KAZN: variants seen among roughly 807,000 people sequenced by gnomAD.
The protein encoded by KAZN is kazrin, periplakin interacting protein, also known as kazrin.
KAZN carries 40 observed loss-of-function variants against 87.4 expected under a neutral mutation model. The observed-to-expected ratio is 0.46, with a 90% confidence interval of 0.36 to 0.60. The LOEUF (loss-of-function observed/expected upper bound fraction) is 0.60, where lower values mean the gene tolerates loss of function less well. Among genes scored for constraint, KAZN ranks in the 20% least tolerant of loss-of-function variants. The pLI is 0.00. For synonymous variants in KAZN, 466 were observed against 458.3 expected, an observed-to-expected ratio of 1.02 and a Z score of -0.22; for missense variants, 898 against 1,073.9, an observed-to-expected ratio of 0.84 and a Z score of 2.29.
At chr1:14,332,944 G>A (rs1466016826) in intron 2 of KAZN, among the ~76,000 whole-genome samples, 2 of 152,068 alleles carry the variant, frequency 1.3e-5, no homozygotes, top group Non-Finnish European at 2.9e-5. Context: ...ATAGGTAAAC[G>A]TGTGCCATGG....
chr1:14,551,948 T>A (rs1385687021), intron 2 of KAZN, among the ~76,000 whole-genome samples: 5 of 152,128 alleles, frequency 3.3e-5, no homozygotes, highest in African/African-American at 7.2e-5. Context: ...CCGTCAGAGA[T>A]CATTAAAGTC....
chr1:14,290,189 T>C (rs943331635), intron 2 of KAZN, among the ~76,000 whole-genome samples: 1 of 152,148 alleles, frequency 6.6e-6, no homozygotes, highest in Non-Finnish European at 1.5e-5. Context: ...ATCTTTGTGG[T>C]GTTCTCTGTA....
intron 2 of KAZN, among the ~76,000 whole-genome samples, chr1:14,205,953 G>A (rs1283904689): frequency 7.0e-6 from 1 of 142,578 alleles, no homozygotes; most frequent in Non-Finnish European, 1.5e-5. Context: ...ACACACCAAC[G>A]TGGCGCATGT....
chr1:14,652,186 C>T (rs1245112422), intron 1 of KAZN, among the ~76,000 whole-genome samples: 5 of 152,172 alleles, frequency 3.3e-5, no homozygotes, highest in Non-Finnish European at 5.9e-5. Flanking sequence ...GGACTTAGCC[C>T]AGGCATGTAA....
At chr1:14,206,638 T>C (rs1646751015) in intron 2 of KAZN, among the ~76,000 whole-genome samples, 1 of 152,026 alleles carries the variant, frequency 6.6e-6, no homozygotes. Context: ...TTAAACAAAA[T>C]TATAATTTTC....
intron 2 of KAZN, among the ~76,000 whole-genome samples, chr1:14,565,533 C>A (rs1051841866): frequency 1.8e-4 from 27 of 152,276 alleles, no homozygotes; most frequent in African/African-American, 6.3e-4. Context: ...AATAAGACAA[C>A]AATGAAGCTT....
intron 1 of KAZN, among the ~76,000 whole-genome samples, chr1:14,178,217 A>G (rs1291517180): frequency 1.3e-5 from 2 of 152,178 alleles, no homozygotes; most frequent in Non-Finnish European, 2.9e-5. Context: ...CTATGCGTCA[A>G]TGAAACCTCT....
At chr1:14,618,654 C>T (rs534188955) in intron 1 of KAZN, among the ~76,000 whole-genome samples, 5 of 152,320 alleles carry the variant, frequency 3.3e-5, no homozygotes, top group Non-Finnish European at 7.3e-5. Context: ...AATCATGTGT[C>T]TATGATATGA....
chr1:13,931,443 G>GA (rs1640505303), intron 1 of KAZN, among the ~76,000 whole-genome samples: 1 of 102,696 alleles, frequency 9.7e-6, no homozygotes, highest in Non-Finnish European at 2.1e-5. Flanking sequence ...TTTTCAGCCA[G>GA]AGGGGTGTGT....
chr1:14,673,303 G>A (rs1340248060), intron 1 of KAZN, among the ~76,000 whole-genome samples: 1 of 152,182 alleles, frequency 6.6e-6, no homozygotes, highest in Non-Finnish European at 1.5e-5. Context: ...GGCCCTGGAT[G>A]GACACATAAC....
intron 1 of KAZN, among the ~76,000 whole-genome samples, chr1:14,699,084 G>T (rs1641779504): frequency 6.6e-6 from 1 of 152,154 alleles, no homozygotes; most frequent in Admixed American, 6.5e-5. Context: ...AGAACTCCTG[G>T]ATACCTTCAA....
upstream of KAZN, among the ~76,000 whole-genome samples, chr1:14,595,677 T>A (rs1403798914): frequency 3.8e-5 from 3 of 78,208 alleles, no homozygotes; most frequent in Admixed American, 2.9e-4. Context: ...CAAGACTGCG[T>A]CTCAAAAAAA....
At chr1:14,336,431 CTG>C (rs1657276888) in intron 2 of KAZN, among the ~76,000 whole-genome samples, 1 of 152,198 alleles carries the variant, frequency 6.6e-6, no homozygotes, top group African/African-American at 2.4e-5. Flanking sequence ...ATGAGCATCT[CTG>C]TATACAAATT....
chr1:14,892,887 A>G (rs1257742654), intron 1 of KAZN, among the ~76,000 whole-genome samples: 1 of 152,234 alleles, frequency 6.6e-6, no homozygotes, highest in Admixed American at 6.5e-5. Flanking sequence ...GAATGGACAG[A>G]GGAAGGACCA....
At chr1:14,250,862 G>A (rs921687753) in intron 2 of KAZN, among the ~76,000 whole-genome samples, 38 of 151,354 alleles carry the variant, frequency 2.5e-4, no homozygotes, top group African/African-American at 9.2e-4. Flanking sequence ...ACTAAGGGAT[G>A]ATTAAATATT....
intron 1 of KAZN, among the ~76,000 whole-genome samples, chr1:13,975,818 G>T (rs908639725): frequency 1.3e-5 from 2 of 152,180 alleles, no homozygotes; most frequent in Non-Finnish European, 2.9e-5. Context: ...ATGAATGAAT[G>T]AATGAATGAA....
chr1:14,654,969 G>T (rs1638694715), intron 1 of KAZN, among the ~76,000 whole-genome samples: 1 of 152,204 alleles, frequency 6.6e-6, no homozygotes, highest in African/African-American at 2.4e-5. Flanking sequence ...TAGCTGGGGG[G>T]CCCACTGACC....
At chr1:13,893,461 T>C (rs370718097) in exon 1 of KAZN, 1 of 785,632 alleles carries the variant, frequency 1.3e-6, no homozygotes, top group Non-Finnish European at 1.9e-6. Context: ...TTTCATTTTT[T>C]ACTTGACTGG....
chr1:13,982,971 C>T (rs1311065542), intron 1 of KAZN, among the ~76,000 whole-genome samples: 1 of 151,864 alleles, frequency 6.6e-6, no homozygotes, highest in Non-Finnish European at 1.5e-5. Context: ...GAGCTAGACA[C>T]AGGGTGCTGA....
Sources: gnomAD v4.1 joint callset for allele counts (sites outside exome capture counted in the v4.1 genomes callset) on GRCh38, gnomAD v4.1.1 for gene constraint, MANE v1.5 for transcripts, NCBI Gene and HGNC (gene_info 2026-07-23, HGNC 2026-07-21) for gene names.